The following TMEM132C variants were observed in gnomAD, a reference collection of about 807,000 sequenced individuals.
TMEM132C encodes transmembrane protein 132C, also known as protein phosphatase 1, regulatory subunit 152.
TMEM132C carries 29 observed loss-of-function variants against 61.4 expected under a neutral mutation model. The observed-to-expected ratio is 0.47, with a 90% CI of 0.35 to 0.64. The LOEUF (loss-of-function observed/expected upper bound fraction) is 0.64. TMEM132C is among the 30% of genes least tolerant of loss of function. TMEM132C has a pLI of 0.00. For synonymous variants in TMEM132C, 656 were observed against 633.1 expected, an observed-to-expected ratio of 1.04 and a Z score of -0.54; for missense variants, 1,408 against 1,476.9, an observed-to-expected ratio of 0.95 and a Z score of 0.76.
intron 3 of TMEM132C, among the ~76,000 whole-genome samples, chr12:128,578,656 G>A (rs1875215111): frequency 1.3e-5 from 2 of 152,128 alleles, no homozygotes; most frequent in African/African-American, 4.8e-5. Flanking sequence ...GGAGTGCGGT[G>A]GCATGATCTC....
chr12:128,429,788 C>G (rs1355715557), intron 2 of TMEM132C, among the ~76,000 whole-genome samples: 1 of 152,186 alleles, frequency 6.6e-6, no homozygotes, highest in African/African-American at 2.4e-5. Flanking sequence ...AAGAGTGTCA[C>G]ACCTTCATTA....
At chr12:128,613,031 C>G (rs1876685596) in intron 3 of TMEM132C, among the ~76,000 whole-genome samples, 1 of 152,148 alleles carries the variant, frequency 6.6e-6, no homozygotes, top group Admixed American at 6.5e-5. Flanking sequence ...GCTCACAGAA[C>G]TTTGTAAGAG....
intron 3 of TMEM132C, among the ~76,000 whole-genome samples, chr12:128,602,822 C>T (rs1176123518): frequency 6.6e-6 from 1 of 152,246 alleles, no homozygotes; most frequent in Non-Finnish European, 1.5e-5. Context: ...TCTGCCTGGG[C>T]ATCCCAAGCT....
chr12:128,291,373 C>G (rs182594791), intron 1 of TMEM132C, among the ~76,000 whole-genome samples: 181 of 152,318 alleles, frequency 1.2e-3, no homozygotes, highest in Non-Finnish European at 1.9e-3. Flanking sequence ...CTGATGACAA[C>G]CAAAACATCT....
chr12:128,664,693 A>G (rs1311806538), intron 4 of TMEM132C, among the ~76,000 whole-genome samples: 1 of 152,194 alleles, frequency 6.6e-6, no homozygotes, highest in African/African-American at 2.4e-5. Context: ...GCCAGAGGAA[A>G]GGCAGCTAGC....
chr12:128,534,004 C>A (rs1171770572), intron 2 of TMEM132C, among the ~76,000 whole-genome samples: 1 of 152,086 alleles, frequency 6.6e-6, no homozygotes, highest in African/African-American at 2.4e-5. Context: ...CAGGCACTCA[C>A]ACACCCCAGC....
At chr12:128,282,801 G>A (rs970211883) in intron 1 of TMEM132C, among the ~76,000 whole-genome samples, 8 of 152,088 alleles carry the variant, frequency 5.3e-5, no homozygotes, top group African/African-American at 1.9e-4. Flanking sequence ...TTTGTGACAC[G>A]TCTCTCCATT....
intron 3 of TMEM132C, among the ~76,000 whole-genome samples, chr12:128,581,024 T>C (rs945931426): frequency 2.0e-5 from 3 of 152,106 alleles, no homozygotes; most frequent in Admixed American, 6.5e-5. Context: ...TGAGAACCAC[T>C]AGTTTACAAC....
intron 2 of TMEM132C, among the ~76,000 whole-genome samples, chr12:128,507,550 C>A (rs1872417077): frequency 6.6e-6 from 1 of 152,072 alleles, no homozygotes; most frequent in South Asian, 2.1e-4. Context: ...CCAGAAACAT[C>A]AGTGAGAGAT....
intron 3 of TMEM132C, among the ~76,000 whole-genome samples, chr12:128,566,671 A>G (rs1243105077): frequency 6.6e-6 from 1 of 152,200 alleles, no homozygotes; most frequent in Non-Finnish European, 1.5e-5. Context: ...TGAATCTTCC[A>G]TCAGAGGAGT....
Position 128,360,689 on chromosome 12 carries a change from A to G in TMEM132C, c.86-54043A>G, listed in dbSNP as rs142921054. ...AATGGTGAAGGGAAAAGTCCATCAG[A>G]CACTCTCTTCCTGGAGTTTGAGTTT... is the stretch of plus-strand genomic sequence containing the variant. On this transcript the variant is annotated intron_variant, in intron 1 of 8. Coordinates refer to ENST00000435159, the MANE Select transcript of TMEM132C (RefSeq NM_001136103.3). Among the ~76,000 whole-genome samples the G allele has an allele frequency of 6.8e-4, 104 of 152,216 alleles. 1 individual carries two copies. The highest frequency in any genetic ancestry group is 2.4e-3 in the Admixed American group (37 of 15,296).
At position 128,415,570 on chromosome 12, in the gene TMEM132C, G is replaced by T. The variant is rs930077251; in HGVS notation, c.924G>T (p.Thr308=). The T allele has an allele frequency of 1.8e-5, 28 of 1,549,766 alleles. No homozygotes were observed. Among genetic ancestry groups the T allele is most frequent in the Non-Finnish European group, 2.4e-5 (27 of 1,146,318 alleles). Residue 308 remains threonine, a synonymous_variant, in exon 2 of 9, where the codon ACG becomes ACT. Transcript: ENST00000435159. The surrounding 1 kb of genome is among the most constrained non-coding windows in gnomAD (Gnocchi z 5.8). ...CAGTCAAGCAGGGAGAGGTGGTCAC[G>T]GCCTATGTCACCATCTCGAGCAATT... The part of the protein sequence containing the change: ...SRPVKQGEVV[T]AYVTISSNSS...
intron 2 of TMEM132C, among the ~76,000 whole-genome samples, chr12:128,512,228 C>T (rs1330590703): frequency 6.6e-6 from 1 of 152,216 alleles, no homozygotes; most frequent in African/African-American, 2.4e-5. Context: ...CCCACCCCCA[C>T]ATCCCCGTGC....
intron 3 of TMEM132C, among the ~76,000 whole-genome samples, chr12:128,554,316 G>A (rs565652520): frequency 3.3e-5 from 5 of 152,166 alleles, no homozygotes; most frequent in African/African-American, 7.2e-5. Context: ...TGTGAGAGGC[G>A]GGGAGGGTGG....
chr12:128,646,956 C>T lies in TMEM132C; in HGVS notation c.1306-22461C>T, dbSNP rs371866791. 2.1e-3 allele frequency among the ~76,000 whole-genome samples: 307 copies of T among 144,318 alleles called. 1 individual carries two copies. Among genetic ancestry groups the T allele is most frequent in the African/African-American group, 7.5e-3 (288 of 38,236 alleles). The allele number at this position is 144,318 out of a possible 152,430, so 94.7% of individuals were successfully genotyped here. A position where few individuals can be genotyped will look rare whatever the true frequency, so the allele number is the denominator to read the frequency against. ...ATGTGTGTTTACTGGAGTCCATCGG[C>T]GTTGGATGTGAGTGTGTTTACTGGA... On this transcript the variant is annotated intron_variant, in intron 4 of 8. Transcript: ENST00000435159.
At chr12:128,421,547 A>G (rs1340374550) in intron 2 of TMEM132C, among the ~76,000 whole-genome samples, 2 of 151,092 alleles carry the variant, frequency 1.3e-5, no homozygotes, top group Non-Finnish European at 1.5e-5. Context: ...GGGACTAATA[A>G]CATACATGGA....
In TMEM132C at chr12:128,378,672, C is replaced by T. The variant is rs556153353; in HGVS notation, c.86-36060C>T. 1.0e-3 allele frequency among the ~76,000 whole-genome samples: 159 copies of T among 152,234 alleles called. 1 individual carries two copies. The highest frequency in any genetic ancestry group is 3.0e-3 in the African/African-American group (123 of 41,526). On this transcript the variant is annotated intron_variant, in intron 1 of 8. Coordinates refer to ENST00000435159, the MANE Select transcript of TMEM132C (RefSeq NM_001136103.3). ...CCTCCATGCCCAGTGAGTAGGGTGA[C>T]GGTCAATTCACAGTTCACTAGGCAC...
Position 128,697,347 on chromosome 12 carries a change from A to C in TMEM132C, c.2053A>C (p.Asn685His), listed in dbSNP as rs1410934622. Residue 685 changes from asparagine to histidine, a missense_variant, in exon 8 of 9, where the codon AAC becomes CAC. Physicochemically the swap from Asn to His is moderately conservative, Grantham distance 68. Coordinates refer to ENST00000435159, the MANE Select transcript of TMEM132C (RefSeq NM_001136103.3). ...VAGLSVALYPNAENSKAVTAV... is the reference protein window; with the variant it reads ...VAGLSVALYPHAENSKAVTAV... ...TGGGCTGTCTGTCGCCCTTTACCCC[A>C]ACGCAGAAAACAGCAAGGCCGTAAC... 6.4e-7 allele frequency: 1 copy of C among 1,551,284 alleles called. No homozygotes were observed. Among genetic ancestry groups the C allele is most frequent in the Non-Finnish European group, 8.7e-7 (1 of 1,146,722 alleles).
chr12:128,519,885 T>C (rs1872842750), intron 2 of TMEM132C, among the ~76,000 whole-genome samples: 2 of 152,250 alleles, frequency 1.3e-5, no homozygotes. Context: ...CCCTGACTTC[T>C]GCTAGGTCTC....
Sources: allele counts gnomAD v4.1 joint callset (sites outside exome capture counted in the v4.1 genomes callset), GRCh38; gene constraint gnomAD v4.1.1; non-coding constraint Gnocchi (gnomAD v3.1); transcripts MANE v1.5; gene names NCBI Gene and HGNC (gene_info 2026-07-23, HGNC 2026-07-21).